The following GGTA1 variants were observed in gnomAD, a reference collection of about 807,000 sequenced individuals.
The protein encoded by GGTA1 is inactive N-acetyllactosaminide alpha-1,3-galactosyltransferase.
In GGTA1, 5 loss-of-function variants were observed where a neutral mutation model predicts 2.6. That is an observed-to-expected ratio of 1.92 (90% confidence interval 1.00 to 4.04). The LOEUF (loss-of-function observed/expected upper bound fraction) is 4.04. Among genes scored for constraint, GGTA1 ranks in the 30% most tolerant of loss-of-function variants. The probability of loss-of-function intolerance (pLI) is 0.00; values close to 1 mark genes in which losing one functional copy is unlikely to be tolerated. For synonymous variants in GGTA1, 17 were observed against 5.0 expected (o/e 3.38, Z -3.19); for missense variants, 50 against 16.7 (o/e 2.99, Z -3.47).
chr9:121,482,849 G>T lies in GGTA1; in HGVS notation c.-9-14918C>A, dbSNP rs576294202. 6.6e-5 allele frequency among the ~76,000 whole-genome samples: 10 copies of T among 152,276 alleles called. No individual in the cohort carries two copies. The South Asian group carries it at 2.1e-3, about 32-fold the overall frequency. ...TAGTCCCAGTTATTCTGGAGGCTGA[G>T]GCAGGAGAATCATTGGAATCCGGGA... On this transcript the variant is annotated intron_variant, in intron 1 of 5. Coordinates refer to ENST00000481799, the MANE Select transcript of GGTA1 (RefSeq NM_001382585.1).
chr9:121,480,750 G>A (rs926461585), intron 1 of GGTA1, among the ~76,000 whole-genome samples: 2 of 152,134 alleles, frequency 1.3e-5, no homozygotes, highest in African/African-American at 4.8e-5. Flanking sequence ...TCCTTCCTGT[G>A]GCTAACTATT....
At position 121,460,104 on chromosome 9, in the gene GGTA1, T is replaced by G. The variant is rs1339980239; in HGVS notation, c.298A>C (p.Thr100Pro). 6.6e-6 allele frequency: 3 copies of G among 456,626 alleles called. No individual in the cohort carries two copies. Among genetic ancestry groups the G allele is most frequent in the African/African-American group, 6.0e-5 (3 of 50,078 alleles). The allele number at this position is 456,626 out of a possible 1,614,324, so 28.3% of individuals were successfully genotyped here. A position where few individuals can be genotyped will look rare whatever the true frequency, so the allele number is the denominator to read the frequency against. Residue 100 changes from threonine (T) to proline (P), a missense_variant and splice_region_variant, in exon 5 of 6, where the codon ACT becomes CCT. Transcript: ENST00000481799. The part of the protein sequence containing the change: ...SFGYGTGLIQ[T>P] ...CAGGGAGTGACGCCGCTTTTCTTACTTTGGATTAAACCAGTCCCATAGCCG... is the reference window on the plus strand; with the variant it reads ...CAGGGAGTGACGCCGCTTTTCTTACGTTGGATTAAACCAGTCCCATAGCCG...
chr9:121,466,789 C>T (rs1036966663), intron 2 of GGTA1, among the ~76,000 whole-genome samples: 39 of 151,896 alleles, frequency 2.6e-4, no homozygotes, highest in Admixed American at 2.4e-3. Context: ...CCTGTCTCCA[C>T]TAAAAATACA....
chr9:121,451,115 GAAA>G (rs35130849), downstream of GGTA1, among the ~76,000 whole-genome samples: 1 of 149,090 alleles, frequency 6.7e-6, no homozygotes, highest in African/African-American at 2.5e-5. Context: ...GTTTTATTTT[GAAA>G]AAAAAAGGAA....
chr9:121,467,442 ACT>A (rs373033395), intron 2 of GGTA1, among the ~76,000 whole-genome samples: 8 of 152,132 alleles, frequency 5.3e-5, no homozygotes, highest in African/African-American at 1.7e-4. Flanking sequence ...GCTCCTTTAA[ACT>A]CTGCAAATAT....
chr9:121,467,420 A>G (rs2065013034), intron 2 of GGTA1, among the ~76,000 whole-genome samples: 3 of 152,212 alleles, frequency 2.0e-5, no homozygotes, highest in Admixed American at 1.3e-4. Flanking sequence ...GCAAAATTCA[A>G]CAACTTAAGT....
rs577322322 is a variant in GGTA1 at position 121,448,428 on chromosome 9, CCCA to C, written c.*119-834_*119-832del. ...TGTTACATAGTCATCCTATGAGCCT[CCCA>C]CTAGTCACTTAAAACACCAATCCAT... On this transcript the variant is annotated intron_variant and NMD_transcript_variant, in intron 7 of 7. Coordinates refer to the GGTA1 transcript ENST00000481534. 3.3e-3 allele frequency among the ~76,000 whole-genome samples: 506 copies of C among 152,224 alleles called. 4 individuals carry two copies. Among genetic ancestry groups the C allele is most frequent in the African/African-American group, 0.011 (466 of 41,516 alleles).
exon 8 of GGTA1, chr9:121,445,806 T>G (rs191954999): frequency 2.6e-5 from 4 of 152,270 alleles, no homozygotes; most frequent in Admixed American, 6.5e-5. Flanking sequence ...GTTTCTCCAG[T>G]CTACTCCTTG....
chr9:121,458,064 C>T (rs528257610), intron 5 of GGTA1, among the ~76,000 whole-genome samples: 3 of 151,678 alleles, frequency 2.0e-5, no homozygotes, highest in East Asian at 2.0e-4. Context: ...CACCCACAAC[C>T]ACTCCCAGCT....
rs535186785 is a variant in GGTA1, at chr9:121,493,903, C to T, written c.-10+5747G>A. Among the ~76,000 whole-genome samples the T allele has an allele frequency of 9.3e-4, 141 of 152,030 alleles. 1 individual carries two copies. Among genetic ancestry groups the T allele is most frequent in the African/African-American group, 3.2e-3 (132 of 41,492 alleles). On this transcript the variant is annotated intron_variant, in intron 1 of 5. Transcript: ENST00000481799. ...TCCCAAGTAGCTGAGATTACAGGCA[C>T]GCACAACCACGCCCAGCTAATTTTT... is the stretch of plus-strand genomic sequence containing the variant.
At chr9:121,485,419 G>A (rs1828738224) in intron 1 of GGTA1, among the ~76,000 whole-genome samples, 1 of 152,144 alleles carries the variant, frequency 6.6e-6, no homozygotes, top group Admixed American at 6.5e-5. Context: ...ACTAGTGAAC[G>A]AACAGGATTT....
intron 5 of GGTA1, 33 bp from the exon 6 acceptor site, chr9:121,455,874 T>C: frequency 2.2e-6 from 1 of 453,178 alleles, no homozygotes; most frequent in Admixed American, 2.4e-5. Context: ...TAAAAATTTA[T>C]GTTGAATTAA....
intron 3 of GGTA1, among the ~76,000 whole-genome samples, chr9:121,462,319 C>T (rs1260060719): frequency 2.0e-5 from 3 of 148,500 alleles, no homozygotes; most frequent in East Asian, 1.9e-4. Context: ...AGCAAGACTC[C>T]GTCTCAGAAA....
At chr9:121,495,472 G>A (rs1325734279) in intron 1 of GGTA1, among the ~76,000 whole-genome samples, 6 of 152,240 alleles carry the variant, frequency 3.9e-5, no homozygotes, top group East Asian at 3.9e-4. Context: ...ACTTGAACCC[G>A]GGAGGCGGAG....
At chr9:121,451,006 A>G (rs1024912917), downstream of GGTA1, among the ~76,000 whole-genome samples, 5 of 152,130 alleles carry the variant, frequency 3.3e-5, no homozygotes, top group Admixed American at 2.0e-4. Context: ...GTCTCTTTAT[A>G]CAAGGCAAAG....
At chr9:121,483,179 TA>T (rs1240985538) in intron 1 of GGTA1, among the ~76,000 whole-genome samples, 1 of 152,290 alleles carries the variant, frequency 6.6e-6, no homozygotes, top group East Asian at 1.9e-4. Flanking sequence ...TGTGAAGTGG[TA>T]GGACAGGGCC....
At chr9:121,495,925 T>C (rs1434734089) in intron 1 of GGTA1, among the ~76,000 whole-genome samples, 2 of 152,196 alleles carry the variant, frequency 1.3e-5, no homozygotes, top group South Asian at 4.1e-4. Flanking sequence ...ACATGTGAAT[T>C]AGATGCCCAA....
At chr9:121,496,063 A>T (rs1255731040) in intron 1 of GGTA1, among the ~76,000 whole-genome samples, 1 of 152,218 alleles carries the variant, frequency 6.6e-6, no homozygotes, top group Non-Finnish European at 1.5e-5. Flanking sequence ...CTAACCTGTT[A>T]TGTGATTTTC....
At chr9:121,481,550 G>T (rs573041817) in intron 1 of GGTA1, among the ~76,000 whole-genome samples, 1 of 151,890 alleles carries the variant, frequency 6.6e-6, no homozygotes, top group Admixed American at 6.6e-5. Flanking sequence ...GGGTGTGGTG[G>T]CATGTGCTTG....
Sources: gnomAD v4.1 joint callset for allele counts (sites outside exome capture counted in the v4.1 genomes callset) on GRCh38, gnomAD v4.1.1 for gene constraint, MANE v1.5 for transcripts, NCBI Gene and HGNC (gene_info 2026-07-23, HGNC 2026-07-21) for gene names.